AHCYL2: variants seen among roughly 807,000 people sequenced by gnomAD.
The protein encoded by AHCYL2 is S-adenosylhomocysteine hydrolase-like protein 2.
A neutral mutation model predicts 81.4 loss-of-function variants in AHCYL2; 28 were observed. That is an observed-to-expected ratio of 0.34 (90% CI 0.25 to 0.47). AHCYL2 has a LOEUF of 0.47. AHCYL2 is among the 20% of genes least tolerant of loss of function. The pLI, the probability that AHCYL2 is intolerant of heterozygous loss-of-function variation, is 1.00. For missense variants in AHCYL2, 551 were observed against 785.1 expected (o/e 0.70, Z 3.56); for synonymous variants, 272 against 290.2 (o/e 0.94, Z 0.64).
At chr7:129,270,412 T>C (rs1273443888) in intron 1 of AHCYL2, among the ~76,000 whole-genome samples, 2 of 152,246 alleles carry the variant, frequency 1.3e-5, no homozygotes, top group African/African-American at 4.8e-5. Flanking sequence ...AGAACATTTT[T>C]CACTTTTTTC....
At chr7:129,416,482 A>G (rs941583349) in intron 12 of AHCYL2, among the ~76,000 whole-genome samples, 3 of 152,192 alleles carry the variant, frequency 2.0e-5, no homozygotes, top group African/African-American at 4.8e-5. Context: ...AATTTGAAAT[A>G]GATCAGGCTG....
chr7:129,288,299 CTT>C (rs533865148), intron 1 of AHCYL2, among the ~76,000 whole-genome samples: 2 of 151,736 alleles, frequency 1.3e-5, no homozygotes, highest in Non-Finnish European at 2.9e-5. Context: ...TCTGTGGTGT[CTT>C]TTAACGTGTT....
intron 1 of AHCYL2, among the ~76,000 whole-genome samples, chr7:129,257,476 G>A (rs2566877): frequency 0.65 from 98,438 of 151,916 alleles, 32,585 homozygotes; most frequent in Middle Eastern, 0.73. Flanking sequence ...AGGGGCAAAA[G>A]GGTCTCAAGT....
intron 1 of AHCYL2, among the ~76,000 whole-genome samples, chr7:129,299,495 G>A (rs912602099): frequency 1.4e-5 from 2 of 142,890 alleles, no homozygotes; most frequent in African/African-American, 5.1e-5. Flanking sequence ...CCGGGTTCAC[G>A]CCATTCTCCT....
At chr7:129,315,237 T>C (rs549767106) in intron 1 of AHCYL2, among the ~76,000 whole-genome samples, 1 of 152,320 alleles carries the variant, frequency 6.6e-6, no homozygotes, top group Non-Finnish European at 1.5e-5. Flanking sequence ...CATGTAATCT[T>C]CCCTTTTTGT....
chr7:129,282,824 T>C (rs1796494101), intron 1 of AHCYL2, among the ~76,000 whole-genome samples: 1 of 152,148 alleles, frequency 6.6e-6, no homozygotes, highest in Non-Finnish European at 1.5e-5. Context: ...GTTGAATCCT[T>C]TCCTTAAGAT....
At chr7:129,261,449 C>G (rs1795640511) in intron 1 of AHCYL2, among the ~76,000 whole-genome samples, 1 of 152,206 alleles carries the variant, frequency 6.6e-6, no homozygotes, top group South Asian at 2.1e-4. Context: ...GTAAATCTAT[C>G]ACTTAACTAG....
At chr7:129,228,775 C>T (rs1291148462) in intron 1 of AHCYL2, among the ~76,000 whole-genome samples, 1 of 152,244 alleles carries the variant, frequency 6.6e-6, no homozygotes, top group South Asian at 2.1e-4. Context: ...CAGTAATGAC[C>T]GTGTTCAAAC....
chr7:129,290,909 G>A (rs1259811214), intron 1 of AHCYL2, among the ~76,000 whole-genome samples: 25 of 150,194 alleles, frequency 1.7e-4, no homozygotes, highest in Non-Finnish European at 2.8e-4. Context: ...TAGCCTGGGC[G>A]ACAGAGTGAG....
At position 129,225,558 on chromosome 7, in the gene AHCYL2, C is replaced by T. The variant is rs1038160233; in HGVS notation, c.363+119C>T. On this transcript the variant is annotated intron_variant, in intron 1 of 16. Coordinates refer to ENST00000325006, the MANE Select transcript of AHCYL2 (RefSeq NM_015328.4). The stretch of plus-strand genomic sequence containing the variant: ...TTTCTGATCGCAGGACCGGAGATAC[C>T]CCTTGTCCCCTTAAACCCACTCTCT... 5 of 1,375,968 alleles carry T rather than the reference C, an allele frequency of 3.6e-6. No homozygotes were observed. The African/African-American group carries it at 4.6e-5, about 13-fold the overall frequency. 85.2% of individuals were successfully genotyped at this position (1,375,968 alleles called of 1,614,324 possible).
chr7:129,300,199 T>C (rs778242054), intron 1 of AHCYL2, among the ~76,000 whole-genome samples: 6 of 152,192 alleles, frequency 3.9e-5, no homozygotes, highest in Non-Finnish European at 7.3e-5. Flanking sequence ...TTATTGACTA[T>C]AGTTACCCTG....
At chr7:129,283,385 T>C (rs764975563) in intron 1 of AHCYL2, 33 of 456,090 alleles carry the variant, frequency 7.2e-5, no homozygotes, top group South Asian at 5.1e-4. Context: ...CATCATTTCA[T>C]GTATTTTCTC....
chr7:129,377,670 C>T (rs2150879703), intron 1 of AHCYL2: 1 of 455,160 alleles, frequency 2.2e-6, no homozygotes, highest in East Asian at 7.0e-5. Flanking sequence ...AGACCTTCCT[C>T]TATGCCACCT....
chr7:129,429,001 A>G lies in AHCYL2; in HGVS notation c.*1956A>G, dbSNP rs1298696274. 1 of 152,212 alleles carries G rather than the reference A, an allele frequency of 6.6e-6. No individual in the cohort carries two copies. Among genetic ancestry groups the G allele is most frequent in the Non-Finnish European group, 1.5e-5 (1 of 68,036 alleles). 9.4% of individuals were successfully genotyped at this position (152,212 alleles called of 1,614,324 possible). A position where few individuals can be genotyped will look rare whatever the true frequency, so the allele number is the denominator to read the frequency against. On this transcript the variant is annotated 3_prime_UTR_variant, in exon 17 of 17. Transcript: ENST00000325006. ...GTACCTTATCTTATATCCAGAGCAG[A>G]TTCCATTTGGCAGATAGATGGTCTC...
chr7:129,379,776 G>A (rs1794865168), intron 2 of AHCYL2, 27 bp downstream of exon 2: 1 of 1,574,524 alleles, frequency 6.4e-7, no homozygotes, highest in East Asian at 2.2e-5. Flanking sequence ...TGTGGACCCA[G>A]CTGTTGAGGC....
intron 1 of AHCYL2, among the ~76,000 whole-genome samples, chr7:129,262,912 T>G (rs1283953250): frequency 6.6e-6 from 1 of 152,174 alleles, no homozygotes; most frequent in African/African-American, 2.4e-5. Flanking sequence ...TTAGAAATCT[T>G]AAAATAATCC....
intron 1 of AHCYL2, among the ~76,000 whole-genome samples, chr7:129,291,798 G>T (rs894340453): frequency 4.0e-5 from 6 of 151,742 alleles, no homozygotes; most frequent in African/African-American, 1.5e-4. Context: ...GTAGAGACGG[G>T]GTTTCACCGT....
intron 1 of AHCYL2, among the ~76,000 whole-genome samples, chr7:129,251,878 T>C (rs1795261198): frequency 6.6e-6 from 1 of 152,238 alleles, no homozygotes; most frequent in Non-Finnish European, 1.5e-5. Flanking sequence ...TGAGTTATTA[T>C]AGTGGCTTAT....
chr7:129,307,721 TG>T (rs1797493656), intron 1 of AHCYL2, among the ~76,000 whole-genome samples: 1 of 151,752 alleles, frequency 6.6e-6, no homozygotes, highest in Non-Finnish European at 1.5e-5. Flanking sequence ...GGGACACACC[TG>T]AAGTCAGCAT....
Sources: allele counts gnomAD v4.1 joint callset (sites outside exome capture counted in the v4.1 genomes callset), GRCh38; gene constraint gnomAD v4.1.1; transcripts MANE v1.5; gene names NCBI Gene and HGNC (gene_info 2026-07-23, HGNC 2026-07-21).